Variants in SCAF4 observed in about 807,000 individuals in gnomAD.
SCAF4 encodes SR-related CTD associated factor 4, also known as SR-related and CTD-associated factor 4.
SCAF4 carries 25 observed loss-of-function variants against 129.8 expected under a neutral mutation model. The ratio of observed to expected loss-of-function variants is 0.19; its 90% CI spans 0.14 to 0.27. SCAF4 has a LOEUF of 0.27. Among genes scored for constraint, SCAF4 ranks in the 10% least tolerant of loss-of-function variants. The probability of loss-of-function intolerance (pLI) is 1.00; values close to 1 mark genes in which losing one functional copy is unlikely to be tolerated. For missense variants in SCAF4, 1,246 were observed against 1,457.1 expected (o/e 0.86, Z 2.36); for synonymous variants, 551 against 497.7 (o/e 1.11, Z -1.43).
rs770673409 is a variant in SCAF4 at position 31,694,275 on chromosome 21, T to C, written c.1251A>G (p.Glu417=). The C allele has an allele frequency of 6.2e-7, 1 of 1,602,078 alleles. No homozygotes were observed. Among genetic ancestry groups the C allele is most frequent in the Non-Finnish European group, 8.5e-7 (1 of 1,171,918 alleles). ...QKPHQQEMEV[E]QPCIQEVKRH... is the part of the protein sequence containing the mutation. The stretch of plus-strand genomic sequence containing the variant: ...GCTTAACCTCTTGAATACAAGGTTG[T>C]TCTACTTCCATTTCCTTAAAAAACA... Residue 417 remains glutamate, a synonymous_variant, in exon 11 of 20, where the codon GAA becomes GAG. Coordinates refer to ENST00000286835, the MANE Select transcript of SCAF4 (RefSeq NM_020706.2).
In SCAF4 at chr21:31,699,146, G is replaced by A. The variant is rs528860810; in HGVS notation, c.777+1849C>T. Among the ~76,000 whole-genome samples the A allele has an allele frequency of 9.9e-4, 151 of 152,272 alleles. 1 individual carries two copies. The highest frequency in any genetic ancestry group is 9.5e-3 in the Admixed American group (146 of 15,298). On this transcript the variant is annotated intron_variant, in intron 7 of 19. Coordinates refer to ENST00000286835, the MANE Select transcript of SCAF4 (RefSeq NM_020706.2). ...AAATATATTAGTGGGATAGAACAGTGTCCAGAGATAAGACACAGAAACATA... is the reference window on the plus strand; with the variant it reads ...AAATATATTAGTGGGATAGAACAGTATCCAGAGATAAGACACAGAAACATA...
At chr21:31,711,327 C>T (rs1052361351) in intron 1 of SCAF4, among the ~76,000 whole-genome samples, 1 of 152,224 alleles carries the variant, frequency 6.6e-6, no homozygotes, top group Non-Finnish European at 1.5e-5. Context: ...ACGGTCTCTA[C>T]CTTTTGCAAG....
intron 11 of SCAF4, 42 bp from the exon 12 acceptor site, chr21:31,693,526 A>G (rs2050310800): frequency 7.8e-7 from 1 of 1,280,932 alleles, no homozygotes; most frequent in Non-Finnish European, 1.0e-6. Flanking sequence ...GCATATAGAC[A>G]AAAACCAGAA....
intron 7 of SCAF4, chr21:31,700,635 T>G (rs1048282359): frequency 3.5e-6 from 1 of 282,046 alleles, no homozygotes; most frequent in Non-Finnish European, 6.9e-6. Context: ...AGCATGTATC[T>G]GTAGGAAATT....
chr21:31,712,222 C>CTTTTTTTTTTT (rs11408552), intron 1 of SCAF4, among the ~76,000 whole-genome samples: 14 of 135,424 alleles, frequency 1.0e-4, no homozygotes, highest in African/African-American at 3.4e-4. Context: ...TTGTTTGTTG[C>CTTTTTTTTTTT]TTTTTTTTTT....
In SCAF4 at chr21:31,731,798, C is replaced by G. The variant is rs1316501700; in HGVS notation, c.-106G>C. On this transcript the variant is annotated 5_prime_UTR_variant, in exon 1 of 20. Coordinates refer to ENST00000286835, the MANE Select transcript of SCAF4 (RefSeq NM_020706.2). ...GCCGGGCCTGGTGGCCGGGGGGAGG[C>G]GACGAGCGGCGGAGTCCGAGGCCCG... 7.7e-7 allele frequency: 1 copy of G among 1,302,574 alleles called. No homozygotes were observed. The highest frequency in any genetic ancestry group is 1.5e-5 in the African/African-American group (1 of 64,958). 80.7% of individuals were successfully genotyped at this position (1,302,574 alleles called of 1,614,324 possible). A position where few individuals can be genotyped will look rare whatever the true frequency, so the allele number is the denominator to read the frequency against.
intron 8 of SCAF4, 74 bp downstream of exon 8, chr21:31,696,495 T>C: frequency 7.5e-7 from 1 of 1,333,724 alleles, no homozygotes; most frequent in Non-Finnish European, 1.0e-6. Context: ...TTGTCATTGC[T>C]AAATGTTACT....
At position 31,726,565 on chromosome 21, in the gene SCAF4, T is replaced by C. The variant is rs543751847; in HGVS notation, c.30+5098A>G. On this transcript the variant is annotated intron_variant, in intron 1 of 19. Transcript: ENST00000286835. ...TTGTGGTCCCAGCTACTTGGGAGGC[T>C]GAGACAGGAGGATGGCTTGAGCCCA... Among the ~76,000 whole-genome samples, 35 of 152,276 alleles carry C rather than the reference T, an allele frequency of 2.3e-4. 1 individual carries two copies. In the South Asian group the frequency reaches 6.6e-3, roughly 29 times the overall value.
chr21:31,705,143 G>A (rs779764515), intron 3 of SCAF4, among the ~76,000 whole-genome samples: 1 of 152,194 alleles, frequency 6.6e-6, no homozygotes, highest in East Asian at 1.9e-4. Flanking sequence ...GTCAACAGCA[G>A]TCAGGGCAAG....
intron 1 of SCAF4, among the ~76,000 whole-genome samples, chr21:31,716,847 CAT>C (rs2050931684): frequency 6.6e-6 from 1 of 152,216 alleles, no homozygotes; most frequent in African/African-American, 2.4e-5. Context: ...AAGCCAATCA[CAT>C]GTTAAACAAG....
At chr21:31,676,291 C>A (rs1419071920) in intron 19 of SCAF4, among the ~76,000 whole-genome samples, 3 of 152,110 alleles carry the variant, frequency 2.0e-5, no homozygotes, top group Non-Finnish European at 4.4e-5. Context: ...TTCAAGTACC[C>A]CACTCTTTAC....
intron 1 of SCAF4, among the ~76,000 whole-genome samples, chr21:31,715,063 T>C (rs1478753966): frequency 6.6e-6 from 1 of 152,212 alleles, no homozygotes; most frequent in Non-Finnish European, 1.5e-5. Context: ...ACAAATTTAC[T>C]GGCTTAAAGC....
In SCAF4 at chr21:31,693,336, G is replaced by A; in HGVS notation, c.1471C>T (p.Arg491Ter). 6.6e-7 allele frequency: 1 copy of A among 1,523,398 alleles called. No individual in the cohort carries two copies. The highest frequency in any genetic ancestry group is 8.9e-7 in the Non-Finnish European group (1 of 1,120,108). 94.4% of individuals were successfully genotyped at this position (1,523,398 alleles called of 1,614,324 possible). ...TTCACTTGAGGGAGGCCTTTTTGTC[G>A]ACGTTCTCTCTCTTTTTCTCGATCC... is the stretch of plus-strand genomic sequence containing the variant. The part of the protein sequence containing the change: ...RRDREKERER[R>*]QKGLPQVKPE... Residue 491 changes from arginine to a stop codon, truncating the protein, a stop_gained, in exon 12 of 20, where the codon CGA becomes TGA. Coordinates refer to ENST00000286835, the MANE Select transcript of SCAF4 (RefSeq NM_020706.2). LOFTEE classifies it high-confidence loss of function.
chr21:31,693,631 TTTAG>T (rs1283349751), intron 11 of SCAF4, 147 bp from the exon 12 acceptor site: 3 of 443,300 alleles, frequency 6.8e-6, no homozygotes, highest in Non-Finnish European at 1.1e-5. Context: ...ATTTTACAGA[TTTAG>T]TATGTCCCAA....
At chr21:31,685,798 A>G in intron 16 of SCAF4, 65 bp from the exon 17 acceptor site, 6 of 1,428,976 alleles carry the variant, frequency 4.2e-6, no homozygotes, top group Non-Finnish European at 1.9e-6. Context: ...CAGTAAGCAC[A>G]GATAAAAGAG....
chr21:31,725,225 C>T (rs1235012430), intron 1 of SCAF4, among the ~76,000 whole-genome samples: 1 of 151,936 alleles, frequency 6.6e-6, no homozygotes, highest in Non-Finnish European at 1.5e-5. Context: ...TTTAGATAAA[C>T]GTCTCAGAAA....
intron 19 of SCAF4, among the ~76,000 whole-genome samples, chr21:31,674,990 C>CGG (rs2049814767): frequency 6.6e-6 from 1 of 152,030 alleles, no homozygotes; most frequent in African/African-American, 2.4e-5. Flanking sequence ...TGGCAGTCAT[C>CGG]GGGGGTGTCT....
At chr21:31,715,367 A>G (rs2123651817) in intron 1 of SCAF4, among the ~76,000 whole-genome samples, 1 of 152,252 alleles carries the variant, frequency 6.6e-6, no homozygotes, top group South Asian at 2.1e-4. Context: ...CCGTCTCAAC[A>G]TTCTTAACCT....
intron 1 of SCAF4, among the ~76,000 whole-genome samples, chr21:31,722,784 C>A (rs1339954104): frequency 6.6e-6 from 1 of 151,654 alleles, no homozygotes; most frequent in African/African-American, 2.4e-5. Flanking sequence ...GAAACCCCGT[C>A]TCTACTAAAA....
Sources: allele counts gnomAD v4.1 joint callset (sites outside exome capture counted in the v4.1 genomes callset), GRCh38; gene constraint gnomAD v4.1.1; transcripts MANE v1.5; gene names NCBI Gene and HGNC (gene_info 2026-07-23, HGNC 2026-07-21).